OSCP1: variants seen among roughly 807,000 people sequenced by gnomAD.
The protein encoded by OSCP1 is protein OSCP1.
In OSCP1, 35 loss-of-function variants were observed where a neutral mutation model predicts 45.1. The ratio of observed to expected loss-of-function variants is 0.78; its 90% confidence interval spans 0.59 to 1.03. The LOEUF (loss-of-function observed/expected upper bound fraction) is 1.03, where lower values mean the gene tolerates loss of function less well. Among genes scored for constraint, OSCP1 ranks in the 50% least tolerant of loss-of-function variants. The pLI is 0.00. For missense variants in OSCP1, 400 were observed against 470.7 expected (o/e 0.85, Z 1.39); for synonymous variants, 179 against 180.1 (o/e 0.99, Z 0.05).
intron 2 of OSCP1, among the ~76,000 whole-genome samples, chr1:36,438,044 G>A (rs568311860): frequency 2.0e-5 from 3 of 152,162 alleles, no homozygotes; most frequent in South Asian, 2.1e-4. Flanking sequence ...GTGGCCAGGC[G>A]CGGTGGCTCA....
intron 4 of OSCP1, among the ~76,000 whole-genome samples, chr1:36,425,332 C>T (rs1647898780): frequency 6.6e-6 from 1 of 152,170 alleles, no homozygotes. Flanking sequence ...TGGGAAATTA[C>T]ACAACCTTTC....
Position 36,447,852 on chromosome 1 carries a change from T to C in OSCP1, c.112+2406A>G, listed in dbSNP as rs1396131362. ...CAGAAGGGCTGCATCAGGCTCCATA[T>C]AGTATCTCACATAGTGTTTGACACT... On this transcript the variant is annotated intron_variant, in intron 1 of 9. Coordinates refer to ENST00000235532, the MANE Select transcript of OSCP1 (RefSeq NM_145047.5). This position sits in a 1 kb window ranked among gnomAD's most constrained non-coding sequence, Gnocchi z 4.1. The C allele has an allele frequency of 8.9e-6, 4 of 449,126 alleles. No individual in the cohort carries two copies. The highest frequency in any genetic ancestry group is 3.1e-5 in the South Asian group (2 of 64,128). The allele number at this position is 449,126 out of a possible 1,614,324, so 27.8% of individuals were successfully genotyped here. A position where few individuals can be genotyped will look rare whatever the true frequency, so the allele number is the denominator to read the frequency against.
At position 36,418,557 on chromosome 1, in the gene OSCP1, T is replaced by C. The variant is rs1297928891; in HGVS notation, c.1024-302A>G. 7.2e-6 allele frequency: 3 copies of C among 417,568 alleles called. No homozygotes were observed. The East Asian group carries it at 1.5e-4, about 21-fold the overall frequency. 25.9% of individuals were successfully genotyped at this position (417,568 alleles called of 1,614,324 possible). On this transcript the variant is annotated intron_variant, in intron 9 of 9. Coordinates refer to ENST00000235532, the MANE Select transcript of OSCP1 (RefSeq NM_145047.5). ...ATGACAATACAGCACTTAACAGCTA[T>C]ATTGTAGTCTGAATCCTGCTTGAAA...
At chr1:36,439,451 C>T (rs2124804395) in intron 1 of OSCP1, among the ~76,000 whole-genome samples, 1 of 152,218 alleles carries the variant, frequency 6.6e-6, no homozygotes, top group Admixed American at 6.5e-5. Flanking sequence ...CTGCAGTGAG[C>T]TCTGATTGTG....
At position 36,422,188 on chromosome 1, in the gene OSCP1, CAT is replaced by C. The variant is rs1315952509; in HGVS notation, c.779_780del (p.His260ArgfsTer23). On this transcript the variant is annotated frameshift_variant, in exon 7 of 10. Transcript: ENST00000235532. LOFTEE classifies it high-confidence loss of function. ...GCTAAGTTCTTTGATGATCCAGACA[CAT>C]GAGTTTCCACAGGCTGATTCACGCT... Reference protein sequence around the residue: ...MYSVNQPVETHVSGSSKNLAS... With the variant: ...MYSVNQPVETXVSGSSKNLAS... The C allele has an allele frequency of 1.9e-6, 3 of 1,614,216 alleles. No homozygotes were observed. Among genetic ancestry groups the C allele is most frequent in the Admixed American group, 3.3e-5 (2 of 60,022 alleles).
At chr1:36,425,043 C>T (rs115707104) in intron 4 of OSCP1, among the ~76,000 whole-genome samples, 15,519 of 151,656 alleles carry the variant, frequency 0.1, 940 homozygotes, top group East Asian at 0.3. Context: ...TGTGGTGGCT[C>T]ATGCCTGTAA....
At chr1:36,427,652 G>A (rs1454755039) in intron 4 of OSCP1, among the ~76,000 whole-genome samples, 2 of 152,044 alleles carry the variant, frequency 1.3e-5, no homozygotes, top group African/African-American at 4.8e-5. Flanking sequence ...TTATCTTGTC[G>A]GAACTGGGAA....
At chr1:36,439,321 G>A (rs1648970574) in intron 1 of OSCP1, among the ~76,000 whole-genome samples, 1 of 151,952 alleles carries the variant, frequency 6.6e-6, no homozygotes, top group African/African-American at 2.4e-5. Flanking sequence ...AGGAGTTTGA[G>A]ACCAGCCTGG....
In OSCP1 at chr1:36,420,460, C is replaced by T; in HGVS notation, c.959+16G>A. 1.2e-6 allele frequency: 2 copies of T among 1,604,374 alleles called. No individual in the cohort carries two copies. The highest frequency in any genetic ancestry group is 1.7e-6 in the Non-Finnish European group (2 of 1,175,692). On this transcript the variant is annotated intron_variant, in intron 8 of 9. Coordinates refer to ENST00000235532, the MANE Select transcript of OSCP1 (RefSeq NM_145047.5). ...GGATTTTTATATGTCTTTAACGAAACAGGTTTAAAACATACTCCTCTTCTT... is the reference window on the plus strand; with the variant it reads ...GGATTTTTATATGTCTTTAACGAAATAGGTTTAAAACATACTCCTCTTCTT...
chr1:36,423,569 A>C, intron 4 of OSCP1, 103 bp from the exon 5 acceptor site: 1 of 877,956 alleles, frequency 1.1e-6, no homozygotes, highest in South Asian at 1.6e-5. Context: ...ATGACCTATG[A>C]GTTTATAACA....
intron 1 of OSCP1, among the ~76,000 whole-genome samples, chr1:36,440,401 C>G (rs1330115875): frequency 6.6e-6 from 1 of 152,178 alleles, no homozygotes. Context: ...ACACACACCC[C>G]CGGTGACACA....
intron 4 of OSCP1, among the ~76,000 whole-genome samples, chr1:36,427,299 C>CTTT (rs71053929): frequency 1.0e-5 from 1 of 96,308 alleles, no homozygotes. Context: ...GGCGCCTGGC[C>CTTT]TTTTTTTTTT....
rs140195916 is a variant in OSCP1, at chr1:36,438,273, C to T, written c.267+483G>A. On this transcript the variant is annotated intron_variant, in intron 2 of 9. Transcript: ENST00000235532. Reference sequence around the variant, plus strand: ...CGGACGTTGTGGTGAGCCGAGATCACGCCATTGCACTCCAGCCTGGGCAAC... The same window carrying T: ...CGGACGTTGTGGTGAGCCGAGATCATGCCATTGCACTCCAGCCTGGGCAAC... 0.019 allele frequency among the ~76,000 whole-genome samples: 2,842 copies of T among 147,120 alleles called. 274 individuals carry two copies. The East Asian group carries it at 0.29, about 15-fold the overall frequency.
At chr1:36,420,015 T>C (rs1328144140) in intron 8 of OSCP1, among the ~76,000 whole-genome samples, 2 of 148,962 alleles carry the variant, frequency 1.3e-5, no homozygotes, top group Non-Finnish European at 3.0e-5. Flanking sequence ...TTGCTGTGTC[T>C]CCCAGACTGG....
chr1:36,438,260 T>C (rs1269834419), intron 2 of OSCP1, among the ~76,000 whole-genome samples: 1 of 137,458 alleles, frequency 7.3e-6, no homozygotes, highest in African/African-American at 2.8e-5. Context: ...GACGTTGTGG[T>C]GAGCCGAGAT....
In OSCP1 at chr1:36,418,251, T is replaced by G; in HGVS notation, c.1028A>C (p.Gln343Pro). Residue 343 changes from glutamine (Q) to proline (P), a missense_variant, in exon 10 of 10, where the codon CAG becomes CCG. By Grantham distance (76) the Gln-to-Pro change is moderately conservative. Transcript: ENST00000235532. ...EVINIQATQD[Q>P]QRSEELARIM... ...TCGAGCCAGCTCCTCGCTCCGTTGC[T>G]GGTCCTATGAGGGAAATGAGAGGTA... 1 of 1,614,184 alleles carries G rather than the reference T, an allele frequency of 6.2e-7. No individual in the cohort carries two copies.
intron 4 of OSCP1, among the ~76,000 whole-genome samples, chr1:36,431,576 A>G (rs946680): frequency 0.1 from 15,555 of 151,552 alleles, 950 homozygotes; most frequent in East Asian, 0.29. Context: ...CTATATTTCC[A>G]AGAAACTCAC....
chr1:36,428,236 G>C, intron 4 of OSCP1: 2 of 870,114 alleles, frequency 2.3e-6, no homozygotes, highest in Non-Finnish European at 3.2e-6. Flanking sequence ...CATCAGAATT[G>C]AAATCTATTT....
intron 1 of OSCP1, 52 bp downstream of exon 1, chr1:36,450,206 A>C (rs549842821): frequency 6.8e-7 from 1 of 1,465,212 alleles, no homozygotes; most frequent in East Asian, 2.3e-5. Context: ...CGATGATGAG[A>C]GGGCCGGGCT....
Sources: gnomAD v4.1 joint callset for allele counts (sites outside exome capture counted in the v4.1 genomes callset) on GRCh38, gnomAD v4.1.1 for gene constraint, Gnocchi (gnomAD v3.1) non-coding constraint, MANE v1.5 for transcripts, NCBI Gene and HGNC (gene_info 2026-07-23, HGNC 2026-07-21) for gene names.